FAM133B: variants seen among roughly 807,000 people sequenced by gnomAD.
FAM133B encodes protein FAM133B.
In FAM133B, 25 loss-of-function variants were observed where a neutral mutation model predicts 46.4. The observed-to-expected ratio is 0.54, with a 90% CI of 0.39 to 0.75. FAM133B has a LOEUF of 0.75. Ranked by LOEUF, FAM133B falls within the 30% of genes least tolerant of loss-of-function variation. FAM133B has a pLI of 0.00. For missense variants in FAM133B, 205 were observed against 277.6 expected (o/e 0.74, Z 1.86); for synonymous variants, 75 against 86.0 (o/e 0.87, Z 0.71).
At chr7:92,589,577 C>T (rs1795131894) in intron 1 of FAM133B, among the ~76,000 whole-genome samples, 1 of 152,184 alleles carries the variant, frequency 6.6e-6, no homozygotes, top group Non-Finnish European at 1.5e-5. Flanking sequence ...AGAAAAGTAA[C>T]TTGTTCTAGG....
chr7:92,581,438 A>C (rs1794867073), intron 2 of FAM133B, 68 bp downstream of exon 2: 1 of 1,300,590 alleles, frequency 7.7e-7, no homozygotes, highest in Non-Finnish European at 1.1e-6. Flanking sequence ...AAAATCAATT[A>C]AAGTCTTAAG....
intron 1 of FAM133B, among the ~76,000 whole-genome samples, chr7:92,583,247 A>G (rs1422216201): frequency 6.6e-6 from 1 of 152,204 alleles, no homozygotes; most frequent in Admixed American, 6.5e-5. Context: ...GAACAAATAT[A>G]TGATTCCATT....
At chr7:92,579,010 T>C in intron 3 of FAM133B, 1 of 256,588 alleles carries the variant, frequency 3.9e-6, no homozygotes, top group Non-Finnish European at 7.4e-6. Flanking sequence ...TTAGATGACT[T>C]ACATTACAAG....
In FAM133B at chr7:92,590,363, G is replaced by C. The variant is rs1211906737; in HGVS notation, c.-72C>G. On this transcript the variant is annotated 5_prime_UTR_variant, in exon 1 of 11. Transcript: ENST00000445716. ...GAGAGACTGCCGAAGAGGGCCTGCCGCAGGTCCTCTTGCCGCCTCCCCACT... is the reference window on the plus strand; with the variant it reads ...GAGAGACTGCCGAAGAGGGCCTGCCCCAGGTCCTCTTGCCGCCTCCCCACT... 1.2e-6 allele frequency: 2 copies of C among 1,606,776 alleles called. No individual in the cohort carries two copies. The highest frequency in any genetic ancestry group is 2.7e-5 in the African/African-American group (2 of 74,650).
intron 8 of FAM133B, among the ~76,000 whole-genome samples, chr7:92,572,502 G>A (rs559265502): frequency 6.6e-6 from 1 of 152,262 alleles, no homozygotes; most frequent in African/African-American, 2.4e-5. Context: ...GGCGGATCAC[G>A]TGGTCAAGAG....
At chr7:92,585,111 G>A (rs1387809144) in intron 1 of FAM133B, among the ~76,000 whole-genome samples, 1 of 152,176 alleles carries the variant, frequency 6.6e-6, no homozygotes, top group African/African-American at 2.4e-5. Context: ...CTGAGTCTCA[G>A]CCAATCACAG....
chr7:92,576,400 C>T (rs1562893837), intron 7 of FAM133B, among the ~76,000 whole-genome samples: 1 of 148,996 alleles, frequency 6.7e-6, no homozygotes, highest in African/African-American at 2.6e-5. Flanking sequence ...AGAAAACCAA[C>T]ATTTACTGAG....
chr7:92,589,354 T>C (rs756340351), intron 1 of FAM133B, among the ~76,000 whole-genome samples: 2 of 152,228 alleles, frequency 1.3e-5, no homozygotes, highest in Non-Finnish European at 1.5e-5. Flanking sequence ...AAAGCACCTT[T>C]TCTTTTGAAT....
intron 8 of FAM133B, among the ~76,000 whole-genome samples, chr7:92,574,767 C>T (rs1018521066): frequency 3.3e-5 from 5 of 151,404 alleles, no homozygotes; most frequent in African/African-American, 7.3e-5. Context: ...TAGCCGGGCG[C>T]GGTGGCGGGC....
chr7:92,580,922 T>C (rs376082562), intron 2 of FAM133B, among the ~76,000 whole-genome samples: 8 of 152,352 alleles, frequency 5.3e-5, no homozygotes, highest in African/African-American at 1.9e-4. Context: ...AAGGATTCCC[T>C]ATTATACATA....
intron 1 of FAM133B, among the ~76,000 whole-genome samples, chr7:92,583,309 G>C (rs1794943031): frequency 1.3e-5 from 2 of 152,180 alleles, no homozygotes. Flanking sequence ...CAGGGTCTGG[G>C]GAGAAGAGGA....
intron 1 of FAM133B, 53 bp from the exon 2 acceptor site, chr7:92,581,656 A>T (rs577452065): frequency 4.4e-6 from 6 of 1,374,964 alleles, no homozygotes; most frequent in Middle Eastern, 1.8e-4. Context: ...AACATGCAAA[A>T]CCTCACTTAC....
At chr7:92,562,606 C>G (rs559558796) in intron 10 of FAM133B, among the ~76,000 whole-genome samples, 6 of 152,252 alleles carry the variant, frequency 3.9e-5, no homozygotes, top group African/African-American at 1.4e-4. Flanking sequence ...AACATAACTT[C>G]TAACAAAATT....
intron 9 of FAM133B, among the ~76,000 whole-genome samples, chr7:92,566,288 T>C (rs1794346085): frequency 1.3e-5 from 2 of 152,182 alleles, no homozygotes; most frequent in Admixed American, 1.3e-4. Flanking sequence ...TTCTCTTATA[T>C]TCCCTTTCAG....
chr7:92,573,788 AG>A (rs1232687643), intron 8 of FAM133B, among the ~76,000 whole-genome samples: 1 of 152,034 alleles, frequency 6.6e-6, no homozygotes, highest in East Asian at 1.9e-4. Flanking sequence ...TTCCTTGATC[AG>A]TTAATATGGC....
At chr7:92,572,727 A>G (rs1007001914) in intron 8 of FAM133B, among the ~76,000 whole-genome samples, 21 of 152,244 alleles carry the variant, frequency 1.4e-4, no homozygotes, top group African/African-American at 4.8e-4. Context: ...TCGGAAAACA[A>G]AAAAACAAAA....
intron 1 of FAM133B, among the ~76,000 whole-genome samples, chr7:92,584,981 A>G (rs1794998885): frequency 1.0e-5 from 1 of 99,962 alleles, no homozygotes; most frequent in Admixed American, 8.5e-5. Context: ...TGTCTCTACT[A>G]AACAAAACAA....
intron 1 of FAM133B, among the ~76,000 whole-genome samples, chr7:92,583,644 G>A (rs530651070): frequency 2.0e-5 from 3 of 152,058 alleles, no homozygotes; most frequent in East Asian, 1.9e-4. Flanking sequence ...ATTAAAATTC[G>A]CATTGCTACT....
Position 92,566,010 on chromosome 7 carries a change from T to C in FAM133B, c.657+4A>G. 1 of 1,613,830 alleles carries C rather than the reference T, an allele frequency of 6.2e-7. No individual in the cohort carries two copies. Among genetic ancestry groups the C allele is most frequent in the Non-Finnish European group, 8.5e-7 (1 of 1,179,836 alleles). The stretch of plus-strand genomic sequence containing the variant: ...TGTCTGTAAAAACGTTAAGAGATAC[T>C]TGCTGTTGCTTTTTCTCGTTCTTCA... On this transcript the variant is annotated splice_donor_region_variant and intron_variant, in intron 10 of 10. Coordinates refer to ENST00000445716, the MANE Select transcript of FAM133B (RefSeq NM_152789.4).
Sources: allele counts gnomAD v4.1 joint callset (sites outside exome capture counted in the v4.1 genomes callset), GRCh38; gene constraint gnomAD v4.1.1; transcripts MANE v1.5; gene names NCBI Gene and HGNC (gene_info 2026-07-23, HGNC 2026-07-21).